Variants in FOXN3 observed in about 807,000 individuals in gnomAD.
FOXN3 encodes the protein forkhead box protein N3.
In FOXN3, 7 loss-of-function variants were observed where a neutral mutation model predicts 38.4. The ratio of observed to expected loss-of-function variants is 0.18; its 90% CI spans 0.10 to 0.34. FOXN3 has a LOEUF of 0.34. Ranked by LOEUF, FOXN3 falls within the 10% of genes least tolerant of loss-of-function variation. FOXN3 has a pLI of 1.00. For synonymous variants in FOXN3, 230 were observed against 242.2 expected (o/e 0.95, Z 0.47); for missense variants, 456 against 613.4 (o/e 0.74, Z 2.71).
Position 89,347,036 on chromosome 14 carries a change from T to C in FOXN3, c.680+3636A>G, listed in dbSNP as rs141262592. On this transcript the variant is annotated intron_variant, in intron 3 of 5. Coordinates refer to ENST00000557258, the MANE Select transcript of FOXN3 (RefSeq NM_005197.4). ...ACCCCACCATTTTGTTCTTTAAATATTTCCTTACTTTCTGCTTCTCCATAT... is the reference window on the plus strand; with the variant it reads ...ACCCCACCATTTTGTTCTTTAAATACTTCCTTACTTTCTGCTTCTCCATAT... Among the ~76,000 whole-genome samples, 234 of 149,960 alleles carry C rather than the reference T, an allele frequency of 1.6e-3. 2 individuals are homozygous for C. The highest frequency in any genetic ancestry group is 5.3e-3 in the African/African-American group (218 of 40,812).
chr14:89,472,583 T>C (rs1446939292), intron 1 of FOXN3, among the ~76,000 whole-genome samples: 1 of 151,626 alleles, frequency 6.6e-6, no homozygotes, highest in Admixed American at 6.6e-5. Flanking sequence ...TAGCTGGGCG[T>C]GGTGGCGGAC....
chr14:89,274,063 T>C (rs935647163), intron 4 of FOXN3, among the ~76,000 whole-genome samples: 4 of 152,110 alleles, frequency 2.6e-5, no homozygotes, highest in African/African-American at 4.8e-5. Context: ...GCGGAGCAGA[T>C]TAGATGGAAG....
At chr14:89,208,409 C>CTGTTCTTTACACCA (rs538496706) in intron 4 of FOXN3, among the ~76,000 whole-genome samples, 85 of 152,256 alleles carry the variant, frequency 5.6e-4, no homozygotes, top group African/African-American at 2.0e-3. Context: ...GGGCTTTTTA[C>CTGTTCTTTACACCA]TGGGGAAAAG....
intron 3 of FOXN3, among the ~76,000 whole-genome samples, chr14:89,281,832 T>C (rs141271563): frequency 7.6e-4 from 115 of 152,286 alleles, no homozygotes; most frequent in African/African-American, 2.6e-3. Context: ...AAAATGTTAC[T>C]ACATCCAGCC....
intron 2 of FOXN3, among the ~76,000 whole-genome samples, chr14:89,382,879 C>T (rs61984670): frequency 0.012 from 1,781 of 152,208 alleles, 24 homozygotes; most frequent in Non-Finnish European, 0.019. Context: ...AAGAAACTCC[C>T]CAGCTGGAGG....
At chr14:89,216,396 C>T (rs1884283050) in intron 4 of FOXN3, among the ~76,000 whole-genome samples, 1 of 152,098 alleles carries the variant, frequency 6.6e-6, no homozygotes, top group Admixed American at 6.6e-5. Context: ...GAGTTTATAA[C>T]ACCATCATAG....
At chr14:89,175,646 C>T (rs1302108573) in intron 5 of FOXN3, among the ~76,000 whole-genome samples, 1 of 152,178 alleles carries the variant, frequency 6.6e-6, no homozygotes, top group East Asian at 1.9e-4. Context: ...TGAGGTCACA[C>T]GGCTGCAGGA....
At chr14:89,569,971 G>C (rs983063874) in intron 1 of FOXN3, among the ~76,000 whole-genome samples, 3 of 151,810 alleles carry the variant, frequency 2.0e-5, no homozygotes, top group Non-Finnish European at 4.4e-5. Flanking sequence ...TGGCCACAGG[G>C]AAGACAGGAA....
chr14:89,368,601 G>A (rs1890224573), intron 2 of FOXN3, among the ~76,000 whole-genome samples: 1 of 152,174 alleles, frequency 6.6e-6, no homozygotes, highest in Non-Finnish European at 1.5e-5. Flanking sequence ...AGCCATGATT[G>A]TGCCACTGCA....
chr14:89,516,579 T>TTG (rs1491062283), intron 1 of FOXN3, among the ~76,000 whole-genome samples: 1 of 109,486 alleles, frequency 9.1e-6, no homozygotes, highest in East Asian at 2.2e-4. Flanking sequence ...TTTTTTTTTT[T>TTG]GAGACAGGGT....
At chr14:89,217,055 C>T (rs556608690) in intron 4 of FOXN3, among the ~76,000 whole-genome samples, 44 of 152,188 alleles carry the variant, frequency 2.9e-4, no homozygotes, top group Middle Eastern at 6.8e-3. Flanking sequence ...CCTGGGTAAA[C>T]GGGGTATGTA....
At chr14:89,272,534 G>A (rs913166721) in intron 4 of FOXN3, among the ~76,000 whole-genome samples, 1 of 152,130 alleles carries the variant, frequency 6.6e-6, no homozygotes, top group Non-Finnish European at 1.5e-5. Flanking sequence ...GTTATTTGGG[G>A]TGGGCAGGAG....
chr14:89,176,130 CG>C lies in FOXN3; in HGVS notation c.851+4570del. On this transcript the variant is annotated intron_variant, in intron 5 of 5. Transcript: ENST00000557258. ...AATTTAAAAATAAGCAGGTTTCCAA[CG>C]TCTAAGGATGGGCCAATCTTGGAGG... Among the ~76,000 whole-genome samples, 2 of 152,278 alleles carry C rather than the reference CG, an allele frequency of 1.3e-5. 1 individual carries two copies. Among genetic ancestry groups the C allele is most frequent in the South Asian group, 4.2e-4 (2 of 4,818 alleles).
chr14:89,267,323 C>A (rs1230633168), intron 4 of FOXN3, among the ~76,000 whole-genome samples: 1 of 152,136 alleles, frequency 6.6e-6, no homozygotes, highest in South Asian at 2.1e-4. Context: ...GATTACAATG[C>A]GCAAGTTGGC....
chr14:89,491,141 GT>G (rs33971170), intron 1 of FOXN3, among the ~76,000 whole-genome samples: 63,142 of 145,412 alleles, frequency 0.43, 14,647 homozygotes, highest in African/African-American at 0.64. Flanking sequence ...TTTGTTTTTT[GT>G]TTTTTTTTTT....
chr14:89,238,778 T>G (rs550134901), intron 4 of FOXN3, among the ~76,000 whole-genome samples: 7 of 152,318 alleles, frequency 4.6e-5, no homozygotes, highest in Non-Finnish European at 8.8e-5. Flanking sequence ...TAAAACCTCA[T>G]AATGAATATC....
At chr14:89,397,377 C>T (rs1425806753) in intron 2 of FOXN3, among the ~76,000 whole-genome samples, 1 of 151,286 alleles carries the variant, frequency 6.6e-6, no homozygotes, top group African/African-American at 2.4e-5. Flanking sequence ...ACAACAAACC[C>T]CTGTGACATG....
At chr14:89,354,683 C>A (rs536869644) in intron 2 of FOXN3, among the ~76,000 whole-genome samples, 1 of 151,546 alleles carries the variant, frequency 6.6e-6, no homozygotes, top group East Asian at 2.0e-4. Context: ...GGTGAAACCC[C>A]ATCTCTACTA....
chr14:89,347,171 T>C (rs925271889), intron 3 of FOXN3, among the ~76,000 whole-genome samples: 2 of 152,206 alleles, frequency 1.3e-5, no homozygotes, highest in Non-Finnish European at 2.9e-5. Flanking sequence ...GAACATGACC[T>C]TATTTGGGAA....
Sources: allele counts gnomAD v4.1 joint callset (sites outside exome capture counted in the v4.1 genomes callset), GRCh38; gene constraint gnomAD v4.1.1; transcripts MANE v1.5; gene names NCBI Gene and HGNC (gene_info 2026-07-23, HGNC 2026-07-21).